The following FHIT variants were observed in gnomAD, a reference collection of about 807,000 sequenced individuals.
The protein encoded by FHIT is fragile histidine triad diadenosine triphosphatase.
A neutral mutation model predicts 17.9 loss-of-function variants in FHIT; 19 were observed. The ratio of observed to expected loss-of-function variants is 1.06; its 90% CI spans 0.74 to 1.56. The LOEUF (loss-of-function observed/expected upper bound fraction) is 1.56, where lower values mean the gene tolerates loss of function less well. FHIT is among the 40% of genes most tolerant of loss of function. The probability of loss-of-function intolerance (pLI) is 0.00; values close to 1 mark genes in which losing one functional copy is unlikely to be tolerated. For synonymous variants in FHIT, 81 were observed against 69.7 expected (o/e 1.16, Z -0.81); for missense variants, 248 against 189.2 (o/e 1.31, Z -1.82).
chr3:61,180,257 T>C (rs2038297791), intron 2 of FHIT, among the ~76,000 whole-genome samples: 1 of 152,220 alleles, frequency 6.6e-6, no homozygotes, highest in African/African-American at 2.4e-5. Context: ...TTTGCTGGGA[T>C]GTAAGCCTCT....
chr3:60,809,569 A>C (rs1330091697), intron 4 of FHIT, among the ~76,000 whole-genome samples: 1 of 152,194 alleles, frequency 6.6e-6, no homozygotes, highest in African/African-American at 2.4e-5. Flanking sequence ...CCCCACTTAT[A>C]AATATCATCT....
chr3:60,976,546 T>A (rs908324518), intron 3 of FHIT, among the ~76,000 whole-genome samples: 9 of 152,206 alleles, frequency 5.9e-5, no homozygotes, highest in Admixed American at 1.3e-4. Flanking sequence ...AGGGTGATAT[T>A]CTAATGAGAC....
intron 5 of FHIT, among the ~76,000 whole-genome samples, chr3:60,103,652 C>T (rs10510826): frequency 0.16 from 24,548 of 152,068 alleles, 3,424 homozygotes; most frequent in African/African-American, 0.38. Flanking sequence ...TACCCTTGTA[C>T]GGAGAAGGCA....
intron 4 of FHIT, among the ~76,000 whole-genome samples, chr3:60,650,612 A>G (rs1393051345): frequency 1.3e-5 from 2 of 152,240 alleles, no homozygotes; most frequent in East Asian, 3.8e-4. Flanking sequence ...TGTACTAGTT[A>G]GCTTTTCCAA....
chr3:60,041,487 G>C (rs568212881), intron 5 of FHIT, among the ~76,000 whole-genome samples: 35 of 152,214 alleles, frequency 2.3e-4, no homozygotes, highest in Non-Finnish European at 4.0e-4. Context: ...GAAATGCTAA[G>C]TTAATTAGCC....
intron 4 of FHIT, among the ~76,000 whole-genome samples, chr3:60,628,420 C>T (rs1460233968): frequency 6.6e-6 from 1 of 152,126 alleles, no homozygotes; most frequent in African/African-American, 2.4e-5. Context: ...AAGGTTTTAT[C>T]TCTTTCTCTG....
chr3:60,897,748 C>G (rs6785481), intron 3 of FHIT, among the ~76,000 whole-genome samples: 36,588 of 151,986 alleles, frequency 0.24, 4,544 homozygotes, highest in Middle Eastern at 0.32. Flanking sequence ...CCCAGGTTTC[C>G]TCAGCAGGCC....
chr3:60,146,830 T>C (rs1382310787), intron 5 of FHIT, among the ~76,000 whole-genome samples: 1 of 152,180 alleles, frequency 6.6e-6, no homozygotes, highest in Admixed American at 6.5e-5. Flanking sequence ...CCGCTATCCA[T>C]GGAAATCCGG....
intron 4 of FHIT, among the ~76,000 whole-genome samples, chr3:60,569,736 T>TATATATATATATAC (rs374438283): frequency 1.1e-3 from 49 of 46,256 alleles, no homozygotes; most frequent in South Asian, 8.4e-3. Context: ...TATATATATA[T>TATATATATATATAC]ATATATATAT....
In FHIT at chr3:60,137,398, C is replaced by G. The variant is rs1339794957; in HGVS notation, c.104-123246G>C. On this transcript the variant is annotated intron_variant, in intron 5 of 9. Coordinates refer to ENST00000492590, the MANE Select transcript of FHIT (RefSeq NM_002012.4). Reference sequence around the variant, plus strand: ...AGCCCCTCAGTGAGACAGAAACACACTTTCTCATTTAAGCAAAACTTTAGA... The same window carrying G: ...AGCCCCTCAGTGAGACAGAAACACAGTTTCTCATTTAAGCAAAACTTTAGA... Among the ~76,000 whole-genome samples the G allele has an allele frequency of 4.6e-5, 7 of 152,194 alleles. No homozygotes were observed. The South Asian group carries it at 1.0e-3, about 23-fold the overall frequency.
intron 2 of FHIT, among the ~76,000 whole-genome samples, chr3:61,069,153 CAAG>C (rs1037983907): frequency 2.0e-4 from 30 of 152,194 alleles, no homozygotes; most frequent in Middle Eastern, 3.4e-3. Flanking sequence ...TTTAAATCTC[CAAG>C]AAGGAGGGCA....
intron 3 of FHIT, among the ~76,000 whole-genome samples, chr3:60,958,248 C>A (rs1709263408): frequency 6.6e-6 from 1 of 152,022 alleles, no homozygotes; most frequent in Admixed American, 6.5e-5. Context: ...ATAAATATAC[C>A]TGGTATAGAA....
intron 4 of FHIT, among the ~76,000 whole-genome samples, chr3:60,718,276 C>G (rs1440803526): frequency 5.3e-5 from 8 of 152,118 alleles, no homozygotes; most frequent in Non-Finnish European, 1.5e-5. Flanking sequence ...ATGCACTTAA[C>G]ATAAAAAAAT....
intron 4 of FHIT, among the ~76,000 whole-genome samples, chr3:60,809,503 A>G (rs1196420769): frequency 1.3e-5 from 2 of 152,150 alleles, no homozygotes; most frequent in Non-Finnish European, 2.9e-5. Flanking sequence ...AAAGCATAAA[A>G]AACCTTGCCC....
At chr3:60,442,941 T>C (rs970483316) in intron 5 of FHIT, among the ~76,000 whole-genome samples, 2 of 152,172 alleles carry the variant, frequency 1.3e-5, no homozygotes, top group African/African-American at 4.8e-5. Flanking sequence ...TATCCTCTTT[T>C]ATTTCATTGA....
intron 4 of FHIT, among the ~76,000 whole-genome samples, chr3:60,739,403 AG>A (rs555701515): frequency 5.4e-4 from 83 of 152,346 alleles, no homozygotes; most frequent in African/African-American, 1.8e-3. Context: ...TGGAGCCCAA[AG>A]CACTCACTCT....
intron 2 of FHIT, among the ~76,000 whole-genome samples, chr3:61,074,160 T>C (rs866749251): frequency 2.0e-5 from 3 of 152,282 alleles, no homozygotes; most frequent in South Asian, 2.1e-4. Flanking sequence ...AAAAACCCCT[T>C]AAGCCTTCAG....
At chr3:60,845,382 C>T (rs1307146855) in intron 3 of FHIT, among the ~76,000 whole-genome samples, 1 of 151,884 alleles carries the variant, frequency 6.6e-6, no homozygotes, top group Non-Finnish European at 1.5e-5. Context: ...AATAGAACTA[C>T]CATAGCTACT....
intron 4 of FHIT, among the ~76,000 whole-genome samples, chr3:60,572,060 C>A (rs1328234461): frequency 2.0e-5 from 3 of 150,678 alleles, no homozygotes; most frequent in African/African-American, 5.0e-5. Context: ...ACAGGCATTA[C>A]TTGAAGAAAC....
Sources: allele counts gnomAD v4.1 joint callset (sites outside exome capture counted in the v4.1 genomes callset), GRCh38; gene constraint gnomAD v4.1.1; transcripts MANE v1.5; gene names NCBI Gene and HGNC (gene_info 2026-07-23, HGNC 2026-07-21).